The following QKI variants were observed in gnomAD, a reference collection of about 807,000 sequenced individuals.
The protein encoded by QKI is KH domain-containing RNA-binding protein QKI.
QKI carries 10 observed loss-of-function variants against 39.0 expected under a neutral mutation model. The observed-to-expected ratio is 0.26, with a 90% CI of 0.16 to 0.43. The LOEUF is 0.43. QKI is among the 20% of genes least tolerant of loss of function. The pLI, the probability that QKI is intolerant of heterozygous loss-of-function variation, is 1.00. For synonymous variants in QKI, 204 were observed against 155.4 expected, an observed-to-expected ratio of 1.31 and a Z score of -2.33; for missense variants, 218 against 428.0, an observed-to-expected ratio of 0.51 and a Z score of 4.33.
chr6:163,449,437 C>A (rs1040692859), intron 1 of QKI, among the ~76,000 whole-genome samples: 1 of 152,120 alleles, frequency 6.6e-6, no homozygotes, highest in African/African-American at 2.4e-5. Flanking sequence ...TACAAAGAAA[C>A]AGCAGATAGA....
At chr6:163,440,209 C>T (rs1789663079) in intron 1 of QKI, among the ~76,000 whole-genome samples, 1 of 152,224 alleles carries the variant, frequency 6.6e-6, no homozygotes, top group South Asian at 2.1e-4. Context: ...TGATCACTCA[C>T]TCTAGCAGCA....
chr6:163,433,751 A>T (rs1789021189), intron 1 of QKI, among the ~76,000 whole-genome samples: 1 of 152,008 alleles, frequency 6.6e-6, no homozygotes, highest in Non-Finnish European at 1.5e-5. Flanking sequence ...TGGGCAACAG[A>T]GTGAGACTCC....
chr6:163,462,990 A>G (rs74978444), intron 2 of QKI, among the ~76,000 whole-genome samples: 1,783 of 152,330 alleles, frequency 0.012, 21 homozygotes, highest in Non-Finnish European at 0.018. Flanking sequence ...TCAGTAAAAC[A>G]TATGAAAATA....
intron 3 of QKI, among the ~76,000 whole-genome samples, chr6:163,505,594 A>G (rs907597433): frequency 5.3e-5 from 8 of 152,178 alleles, no homozygotes; most frequent in African/African-American, 1.7e-4. Context: ...TTGGACTTGC[A>G]TAGGGCTTGT....
chr6:163,546,544 A>G (rs1446086253), intron 4 of QKI, among the ~76,000 whole-genome samples: 1 of 152,030 alleles, frequency 6.6e-6, no homozygotes, highest in Non-Finnish European at 1.5e-5. Flanking sequence ...TAAATGATTC[A>G]GAAATCACAT....
intron 7 of QKI, chr6:163,567,373 T>C: frequency 1.0e-6 from 1 of 984,862 alleles, no homozygotes; most frequent in Non-Finnish European, 1.2e-6. Context: ...TTGGATTTTT[T>C]TATATAAATT....
chr6:163,472,657 A>T (rs1792289361), intron 2 of QKI, among the ~76,000 whole-genome samples: 1 of 152,230 alleles, frequency 6.6e-6, no homozygotes, highest in Non-Finnish European at 1.5e-5. Flanking sequence ...TTGAACAAAT[A>T]TTAAGGATGG....
intron 2 of QKI, 138 bp downstream of exon 2, chr6:163,455,559 G>T (rs1198536753): frequency 3.3e-6 from 3 of 897,700 alleles, no homozygotes. Context: ...GAATAATTTG[G>T]CATGATAATT....
At chr6:163,419,915 A>G (rs1028201485) in intron 1 of QKI, among the ~76,000 whole-genome samples, 1 of 152,190 alleles carries the variant, frequency 6.6e-6, no homozygotes, top group Non-Finnish European at 1.5e-5. Flanking sequence ...TATGCACATT[A>G]TATTTCTGTT....
chr6:163,542,129 G>GC (rs895088584), intron 4 of QKI, among the ~76,000 whole-genome samples: 19 of 151,704 alleles, frequency 1.3e-4, no homozygotes, highest in African/African-American at 2.9e-4. Context: ...AGGAATAGTA[G>GC]CCCCCCCAAA....
chr6:163,489,424 CTGTGTGTG>C (rs66826538), intron 3 of QKI, among the ~76,000 whole-genome samples: 2,185 of 149,012 alleles, frequency 0.015, 55 homozygotes, highest in African/African-American at 0.04. Flanking sequence ...AGAAGTTATG[CTGTGTGTG>C]TGTGTGTGTG....
At chr6:163,503,656 G>C (rs1420090862) in intron 3 of QKI, among the ~76,000 whole-genome samples, 1 of 152,144 alleles carries the variant, frequency 6.6e-6, no homozygotes, top group Non-Finnish European at 1.5e-5. Context: ...CTGATGTCCA[G>C]AATGATGGTT....
intron 6 of QKI, 147 bp downstream of exon 6, chr6:163,563,866 C>G (rs902503715): frequency 1.9e-5 from 27 of 1,441,794 alleles, no homozygotes; most frequent in Non-Finnish European, 2.4e-5. Context: ...TTTATTTCAG[C>G]CTCTCATAAG....
At chr6:163,567,919 G>T in intron 7 of QKI, 1 of 985,476 alleles carries the variant, frequency 1.0e-6, no homozygotes, top group Non-Finnish European at 1.2e-6. Flanking sequence ...AGACACAGCT[G>T]TTGTCCACAT....
In QKI at chr6:163,508,133, G is replaced by A. The variant is rs150853750; in HGVS notation, c.403-26849G>A. 2.2e-3 allele frequency among the ~76,000 whole-genome samples: 342 copies of A among 152,198 alleles called. 3 individuals carry two copies. Among genetic ancestry groups the A allele is most frequent in the African/African-American group, 7.9e-3 (329 of 41,538 alleles). The stretch of plus-strand genomic sequence containing the variant: ...AGAACAAAGAGAAAAAAAATTGAGA[G>A]GTAGGAATGGCCTGTGAAGTGGTCT... On this transcript the variant is annotated intron_variant, in intron 3 of 7. Transcript: ENST00000361752.
intron 3 of QKI, among the ~76,000 whole-genome samples, chr6:163,510,217 A>AAAT (rs142297811): frequency 0.1 from 13,769 of 136,020 alleles, 659 homozygotes; most frequent in African/African-American, 0.11. Flanking sequence ...CTCTATCTCA[A>AAAT]AATAATAATA....
At chr6:163,439,766 C>T (rs1036978180) in intron 1 of QKI, among the ~76,000 whole-genome samples, 4 of 151,244 alleles carry the variant, frequency 2.6e-5, no homozygotes, top group Non-Finnish European at 5.9e-5. Context: ...TCTCATGTCT[C>T]AGCCTCCCGA....
intron 3 of QKI, among the ~76,000 whole-genome samples, chr6:163,509,288 C>T (rs1289667805): frequency 6.6e-6 from 1 of 152,082 alleles, no homozygotes; most frequent in African/African-American, 2.4e-5. Flanking sequence ...TAATTGCCAG[C>T]AGATAAGCAC....
At chr6:163,497,241 C>T (rs1370313261) in intron 3 of QKI, among the ~76,000 whole-genome samples, 1 of 151,904 alleles carries the variant, frequency 6.6e-6, no homozygotes, top group Non-Finnish European at 1.5e-5. Flanking sequence ...CCATTTTGTG[C>T]CATCATTAGT....
Sources: gnomAD v4.1 joint callset for allele counts (sites outside exome capture counted in the v4.1 genomes callset) on GRCh38, gnomAD v4.1.1 for gene constraint, MANE v1.5 for transcripts, NCBI Gene and HGNC (gene_info 2026-07-23, HGNC 2026-07-21) for gene names.